NEDD4L: variants seen among roughly 807,000 people sequenced by gnomAD.
The protein encoded by NEDD4L is NEDD4 like E3 ubiquitin protein ligase, also known as E3 ubiquitin-protein ligase NEDD4-like.
A neutral mutation model predicts 148.9 loss-of-function variants in NEDD4L; 54 were observed. That is an observed-to-expected ratio of 0.36 (90% CI 0.29 to 0.45). The LOEUF (loss-of-function observed/expected upper bound fraction) is 0.45, where lower values mean the gene tolerates loss of function less well. NEDD4L is among the 20% of genes least tolerant of loss of function. The pLI is 1.00. For missense variants in NEDD4L, 856 were observed against 1,233.8 expected (o/e 0.69, Z 4.59); for synonymous variants, 433 against 440.7 (o/e 0.98, Z 0.22).
At chr18:58,313,092 A>ACATCT (rs1455044628) in intron 5 of NEDD4L, among the ~76,000 whole-genome samples, 3 of 152,210 alleles carry the variant, frequency 2.0e-5, no homozygotes, top group Non-Finnish European at 2.9e-5. Context: ...CTCACCAACT[A>ACATCT]CATCTTCCAT....
At chr18:58,268,532 C>T (rs992557481) in intron 5 of NEDD4L, among the ~76,000 whole-genome samples, 1 of 152,056 alleles carries the variant, frequency 6.6e-6, no homozygotes, top group East Asian at 1.9e-4. Flanking sequence ...CCCTTCACCC[C>T]TAGTTTATCA....
At chr18:58,120,270 C>A (rs1197719551) in intron 1 of NEDD4L, among the ~76,000 whole-genome samples, 2 of 152,120 alleles carry the variant, frequency 1.3e-5, no homozygotes, top group African/African-American at 4.8e-5. Context: ...ACAAGGCCTT[C>A]TGATGTCAGC....
chr18:58,366,533 G>T lies in NEDD4L; in HGVS notation c.2063+305G>T. On this transcript the variant is annotated intron_variant, in intron 21 of 30. Coordinates refer to ENST00000400345, the MANE Select transcript of NEDD4L (RefSeq NM_001144967.3). The surrounding 1 kb of genome is among the most constrained non-coding windows in gnomAD (Gnocchi z 4.2). ...CGATTTTCATTTGCAGTGTTCAAGA[G>T]GAGGACTTGTCAGTGTTAGAATTCA... is the stretch of plus-strand genomic sequence containing the variant. 3.9e-6 allele frequency: 1 copy of T among 254,800 alleles called. No individual in the cohort carries two copies. Among genetic ancestry groups the T allele is most frequent in the Admixed American group, 5.2e-5 (1 of 19,266 alleles). The allele number at this position is 254,800 out of a possible 1,614,324, so 15.8% of individuals were successfully genotyped here.
intron 6 of NEDD4L, among the ~76,000 whole-genome samples, chr18:58,316,405 G>C (rs1210630637): frequency 6.6e-6 from 1 of 152,194 alleles, no homozygotes; most frequent in Admixed American, 6.5e-5. Flanking sequence ...GGTCCCATCA[G>C]ATGTTTGCAC....
intron 1 of NEDD4L, among the ~76,000 whole-genome samples, chr18:58,116,568 T>C (rs1314547131): frequency 6.6e-6 from 1 of 152,234 alleles, no homozygotes; most frequent in Non-Finnish European, 1.5e-5. Context: ...TATACAATAG[T>C]AGCACAGTTC....
intron 2 of NEDD4L, among the ~76,000 whole-genome samples, chr18:58,197,507 G>A (rs1227590717): frequency 3.3e-5 from 5 of 152,124 alleles, no homozygotes; most frequent in Admixed American, 2.6e-4. Context: ...GGCAACAAGC[G>A]GCTGCCCCTT....
At chr18:58,102,745 G>A (rs578016815) in intron 1 of NEDD4L, among the ~76,000 whole-genome samples, 13 of 151,942 alleles carry the variant, frequency 8.6e-5, no homozygotes, top group Non-Finnish European at 1.8e-4. Flanking sequence ...TATATGAGAG[G>A]GTGTGTGTAG....
chr18:58,342,092 C>A (rs1278911387), intron 15 of NEDD4L, among the ~76,000 whole-genome samples: 1 of 152,342 alleles, frequency 6.6e-6, no homozygotes, highest in African/African-American at 2.4e-5. Flanking sequence ...TGTTTCGCTT[C>A]TTTTTGCCTG....
intron 1 of NEDD4L, among the ~76,000 whole-genome samples, chr18:58,135,268 G>A (rs867215558): frequency 2.6e-5 from 4 of 152,208 alleles, no homozygotes; most frequent in African/African-American, 9.6e-5. Context: ...CCAGAACGAG[G>A]AGAGAAGGGA....
At chr18:58,165,209 G>A (rs956062880) in intron 1 of NEDD4L, among the ~76,000 whole-genome samples, 9 of 152,200 alleles carry the variant, frequency 5.9e-5, no homozygotes, top group South Asian at 2.1e-4. Context: ...ATGAATAAAT[G>A]AACAAATGAA....
chr18:58,061,441 A>G (rs370639410), intron 1 of NEDD4L, among the ~76,000 whole-genome samples: 5 of 151,402 alleles, frequency 3.3e-5, no homozygotes, highest in South Asian at 2.1e-4. Context: ...TTCATATCTC[A>G]CAGTGATGCC....
At chr18:58,229,678 CTTA>C (rs1023791610) in intron 2 of NEDD4L, among the ~76,000 whole-genome samples, 4 of 152,144 alleles carry the variant, frequency 2.6e-5, no homozygotes, top group African/African-American at 9.7e-5. Context: ...TAGATTGAGG[CTTA>C]TACAACTTCA....
At position 58,166,015 on chromosome 18, in the gene NEDD4L, C is replaced by T. The variant is rs75013006; in HGVS notation, c.122+154C>T. On this transcript the variant is annotated intron_variant, in intron 2 of 30. Transcript: ENST00000400345. ...ATTCTGATTTAGGAAGTGATGCTGGCCCAGCTGGTTCCAGGAGCACATTTT... is the reference window on the plus strand; with the variant it reads ...ATTCTGATTTAGGAAGTGATGCTGGTCCAGCTGGTTCCAGGAGCACATTTT... 0.011 allele frequency among the ~76,000 whole-genome samples: 1,715 copies of T among 152,302 alleles called. 31 individuals are homozygous for T. Among genetic ancestry groups the T allele is most frequent in the African/African-American group, 0.039 (1,635 of 41,542 alleles).
At chr18:58,048,055 T>G (rs1027071600) in intron 1 of NEDD4L, among the ~76,000 whole-genome samples, 1 of 152,214 alleles carries the variant, frequency 6.6e-6, no homozygotes, top group African/African-American at 2.4e-5. Flanking sequence ...ATAGGATAAA[T>G]GGCACCTTCT....
intron 5 of NEDD4L, among the ~76,000 whole-genome samples, chr18:58,280,302 C>A (rs894951837): frequency 7.2e-5 from 11 of 152,192 alleles, no homozygotes; most frequent in Non-Finnish European, 1.2e-4. Context: ...TGTCTGGCCC[C>A]ATGCCACTGT....
chr18:58,109,566 T>TTTTTG lies in NEDD4L; in HGVS notation c.49-56218_49-56217insGTTTT, dbSNP rs1197669015. On this transcript the variant is annotated intron_variant, in intron 1 of 30. Transcript: ENST00000400345. ...GCTTTGGGAACAACTAGGAGGTTTT[T>TTTTTG]TTTTTGTTTTTTTTTTTTTTTTTGA... is the stretch of plus-strand genomic sequence containing the variant. Among the ~76,000 whole-genome samples, 296 of 145,622 alleles carry TTTTTG rather than the reference T, an allele frequency of 2.0e-3. 1 individual carries two copies. The highest frequency in any genetic ancestry group is 3.4e-3 in the Middle Eastern group (1 of 290).
In NEDD4L at chr18:58,340,680, A is replaced by G. The variant is rs550859127; in HGVS notation, c.1126-358A>G. Among the ~76,000 whole-genome samples the G allele has an allele frequency of 2.6e-5, 4 of 152,322 alleles. No individual in the cohort carries two copies. In the South Asian group the frequency reaches 8.3e-4, roughly 32 times the overall value. ...ACACAGTGACACTGGACAGTTTGAA[A>G]TACCTTTAAGCTCTACCTGGTTTGG... On this transcript the variant is annotated intron_variant, in intron 13 of 30. Coordinates refer to ENST00000400345, the MANE Select transcript of NEDD4L (RefSeq NM_001144967.3).
chr18:58,286,707 A>C (rs537925923), intron 5 of NEDD4L, among the ~76,000 whole-genome samples: 1 of 152,332 alleles, frequency 6.6e-6, no homozygotes, highest in South Asian at 2.1e-4. Context: ...TAGCTGATCC[A>C]TAGCACACAG....
chr18:58,060,324 G>T (rs2082275836), intron 1 of NEDD4L, among the ~76,000 whole-genome samples: 1 of 152,188 alleles, frequency 6.6e-6, no homozygotes, highest in African/African-American at 2.4e-5. Flanking sequence ...ATGTTGCCCA[G>T]ACTGGTCTCG....
Sources: gnomAD v4.1 joint callset for allele counts (sites outside exome capture counted in the v4.1 genomes callset) on GRCh38, gnomAD v4.1.1 for gene constraint, Gnocchi (gnomAD v3.1) non-coding constraint, MANE v1.5 for transcripts, NCBI Gene and HGNC (gene_info 2026-07-23, HGNC 2026-07-21) for gene names.